The following SHROOM3 variants were observed in gnomAD, a reference collection of about 807,000 sequenced individuals.
The protein encoded by SHROOM3 is protein Shroom3.
Under a neutral mutation model 138.6 loss-of-function variants are expected in SHROOM3, and 47 were observed. The observed-to-expected ratio is 0.34, with a 90% CI of 0.27 to 0.43. The LOEUF (loss-of-function observed/expected upper bound fraction) is 0.43. SHROOM3 is among the 20% of genes least tolerant of loss of function. SHROOM3 has a pLI of 1.00. For missense variants in SHROOM3, 2,491 were observed against 2,596.5 expected, an observed-to-expected ratio of 0.96 and a Z score of 0.88; for synonymous variants, 1,062 against 1,063.3, an observed-to-expected ratio of 1.00 and a Z score of 0.02.
chr4:76,739,347 T>C lies in SHROOM3; in HGVS notation c.1174T>C (p.Tyr392His). 2 of 1,614,084 alleles carry C rather than the reference T, an allele frequency of 1.2e-6. No individual in the cohort carries two copies. Among genetic ancestry groups the C allele is most frequent in the Non-Finnish European group, 1.7e-6 (2 of 1,180,028 alleles). ...CCTGCCTCCAGCTCGGAGTGACAGT[T>C]ACGCAGCATTTCGGCACCGTGAGCG... is the stretch of plus-strand genomic sequence containing the variant. ...APLPPARSDS[Y>H]AAFRHRERPS... Residue 392 changes from tyrosine to histidine, a missense_variant, in exon 5 of 11, where the codon TAC becomes CAC. By Grantham distance (83) the Tyr-to-His change is moderately conservative. This residue lies in a region of SHROOM3 where 1,733 missense variants were observed against 1,661.6 expected (regional missense o/e 1.04). Transcript: ENST00000296043.
intron 2 of SHROOM3, among the ~76,000 whole-genome samples, chr4:76,564,517 T>C (rs1031403150): frequency 1.3e-5 from 2 of 152,212 alleles, no homozygotes; most frequent in African/African-American, 2.4e-5. Flanking sequence ...TAGTATTTTA[T>C]TTCCTAACCA....
rs535267696 is a variant in SHROOM3, at chr4:76,663,533, G to A, written c.324-46623G>A. On this transcript the variant is annotated intron_variant, in intron 2 of 10. Coordinates refer to ENST00000296043, the MANE Select transcript of SHROOM3 (RefSeq NM_020859.4). Reference sequence around the variant, plus strand: ...CAGCAGCAAAGAAGCCCAATCTCTCGTGAAGCTGTGCTTTGTTTGGCCCAT... The same window carrying A: ...CAGCAGCAAAGAAGCCCAATCTCTCATGAAGCTGTGCTTTGTTTGGCCCAT... 1.4e-4 allele frequency among the ~76,000 whole-genome samples: 21 copies of A among 152,094 alleles called. 1 individual carries two copies. The highest frequency in any genetic ancestry group is 2.4e-4 in the Non-Finnish European group (16 of 68,020).
At chr4:76,527,632 T>C (rs1410982628) in intron 1 of SHROOM3, among the ~76,000 whole-genome samples, 1 of 152,200 alleles carries the variant, frequency 6.6e-6, no homozygotes, top group Non-Finnish European at 1.5e-5. Flanking sequence ...AAAAAGAGAT[T>C]GATTAATTAA....
intron 1 of SHROOM3, among the ~76,000 whole-genome samples, chr4:76,480,882 T>C (rs1161338268): frequency 6.6e-6 from 1 of 152,194 alleles, no homozygotes; most frequent in Non-Finnish European, 1.5e-5. Context: ...CCTGAATGAC[T>C]ACTGGGTAAA....
At chr4:76,626,133 A>T (rs10019616) in intron 2 of SHROOM3, among the ~76,000 whole-genome samples, 152,289 of 152,350 alleles carry the variant, frequency 1, 76,114 homozygotes, top group Non-Finnish European at 1. Flanking sequence ...ATGGTTGTGA[A>T]GAGGAAGCAC....
At chr4:76,589,833 C>T (rs1485215801) in intron 2 of SHROOM3, among the ~76,000 whole-genome samples, 4 of 152,162 alleles carry the variant, frequency 2.6e-5, no homozygotes, top group Non-Finnish European at 4.4e-5. Context: ...GCATTTATTT[C>T]TCAGTTGTTT....
At chr4:76,694,365 GTTT>G in intron 2 of SHROOM3, among the ~76,000 whole-genome samples, 2 of 151,706 alleles carry the variant, frequency 1.3e-5, no homozygotes, top group Middle Eastern at 6.8e-3. Flanking sequence ...CTTTTTGTTT[GTTT>G]TTTTTTGTGT....
At chr4:76,683,293 C>A (rs1032496669) in intron 2 of SHROOM3, among the ~76,000 whole-genome samples, 2 of 152,048 alleles carry the variant, frequency 1.3e-5, no homozygotes, top group African/African-American at 4.8e-5. Context: ...TAAAGTTAAT[C>A]ATTTCTCTGC....
chr4:76,513,996 G>C (rs2110006758), intron 1 of SHROOM3, among the ~76,000 whole-genome samples: 1 of 152,254 alleles, frequency 6.6e-6, no homozygotes, highest in South Asian at 2.1e-4. Context: ...AAAGCCTAAA[G>C]GGAAGCAAAA....
At chr4:76,494,340 G>A (rs1053000360) in intron 1 of SHROOM3, among the ~76,000 whole-genome samples, 1 of 152,158 alleles carries the variant, frequency 6.6e-6, no homozygotes, top group Non-Finnish European at 1.5e-5. Flanking sequence ...AATTGCACTA[G>A]GGTTTTACCC....
At chr4:76,745,166 C>G (rs1455080621) in intron 5 of SHROOM3, among the ~76,000 whole-genome samples, 1 of 152,210 alleles carries the variant, frequency 6.6e-6, no homozygotes, top group Non-Finnish European at 1.5e-5. Context: ...TTGCCTGTTT[C>G]CACTTTCTTT....
rs774014745 is a variant in SHROOM3, at chr4:76,779,205, T to C, written c.*28T>C. 1.3e-6 allele frequency: 2 copies of C among 1,573,422 alleles called. No individual in the cohort carries two copies. Among genetic ancestry groups the C allele is most frequent in the South Asian group, 2.4e-5 (2 of 84,116 alleles). ...TCTTCTAAAATACCCAACCAAAAGA[T>C]CACTGTTTCTCTCAACACTATTTAA... On this transcript the variant is annotated 3_prime_UTR_variant, in exon 11 of 11. Coordinates refer to ENST00000296043, the MANE Select transcript of SHROOM3 (RefSeq NM_020859.4).
intron 2 of SHROOM3, among the ~76,000 whole-genome samples, chr4:76,581,753 T>C (rs960595783): frequency 3.3e-5 from 5 of 152,160 alleles, no homozygotes; most frequent in Non-Finnish European, 7.3e-5. Flanking sequence ...GCTTACTGAG[T>C]TTCTATCTAG....
chr4:76,763,183 C>G (rs577478084), intron 9 of SHROOM3, among the ~76,000 whole-genome samples: 1 of 151,872 alleles, frequency 6.6e-6, no homozygotes, highest in Non-Finnish European at 1.5e-5. Flanking sequence ...CCCAGGAGTT[C>G]GAGACCAGCC....
chr4:76,501,242 C>T (rs962015604), intron 1 of SHROOM3, among the ~76,000 whole-genome samples: 11 of 152,224 alleles, frequency 7.2e-5, no homozygotes, highest in South Asian at 2.1e-4. Context: ...CTTGCCTTTT[C>T]GTTCTCTTAA....
At chr4:76,688,742 A>C (rs1046584327) in intron 2 of SHROOM3, 1 of 985,322 alleles carries the variant, frequency 1.0e-6, no homozygotes, top group Non-Finnish European at 1.2e-6. Context: ...CTAAAATTCC[A>C]AAGTTTGCAA....
At chr4:76,555,875 C>G in intron 2 of SHROOM3, 112 bp downstream of exon 2, 1 of 1,154,222 alleles carries the variant, frequency 8.7e-7, no homozygotes, top group South Asian at 1.3e-5. Context: ...CTTTAAACCT[C>G]CATGTATGGA....
chr4:76,633,823 T>C, intron 2 of SHROOM3, among the ~76,000 whole-genome samples: 1 of 152,194 alleles, frequency 6.6e-6, no homozygotes, highest in East Asian at 1.9e-4. Flanking sequence ...CCAGGCAGTC[T>C]GGGAGCTCCA....
chr4:76,540,972 T>C (rs939170746), intron 1 of SHROOM3, among the ~76,000 whole-genome samples: 5 of 152,210 alleles, frequency 3.3e-5, no homozygotes, highest in African/African-American at 1.2e-4. Context: ...CAATAAAAAG[T>C]GGACTTACCT....
Sources: gnomAD v4.1 joint callset for allele counts (sites outside exome capture counted in the v4.1 genomes callset) on GRCh38, gnomAD v4.1.1 for gene constraint, gnomAD v4.1.1 regional missense constraint, MANE v1.5 for transcripts, NCBI Gene and HGNC (gene_info 2026-07-23, HGNC 2026-07-21) for gene names.